Variants in ROBO1 observed in about 807,000 individuals in gnomAD.
The protein encoded by ROBO1 is roundabout homolog 1.
ROBO1 carries 149 observed loss-of-function variants against 195.9 expected under a neutral mutation model. The ratio of observed to expected loss-of-function variants is 0.76; its 90% CI spans 0.67 to 0.87. The LOEUF (loss-of-function observed/expected upper bound fraction) is 0.87, where lower values mean the gene tolerates loss of function less well. Ranked by LOEUF, ROBO1 falls within the 40% of genes least tolerant of loss-of-function variation. The pLI, the probability that ROBO1 is intolerant of heterozygous loss-of-function variation, is 0.00. For missense variants in ROBO1, 1,933 were observed against 2,068.3 expected, an observed-to-expected ratio of 0.93 and a Z score of 1.27; for synonymous variants, 816 against 733.2, an observed-to-expected ratio of 1.11 and a Z score of -1.82.
At position 78,647,631 on chromosome 3, in the gene ROBO1, G is replaced by T. The variant is rs747866831; in HGVS notation, c.2837C>A (p.Thr946Lys). 2 of 1,611,628 alleles carry T rather than the reference G, an allele frequency of 1.2e-6. No homozygotes were observed. The highest frequency in any genetic ancestry group is 8.5e-7 in the Non-Finnish European group (1 of 1,178,104). ...RKVPSFTFTP[T>K]VTYQRGGEAV... ...GGAGGGTAAGTGCAAATATATACCT[G>T]TTGGTGTGAAGGTAAAAGACGGGAC... The change falls in exon 20 of 31, where the codon ACA (threonine) becomes AAA (lysine). Residue 946 changes from threonine to lysine, a missense_variant and splice_region_variant. By Grantham distance (78) the Thr-to-Lys change is moderately conservative. This residue lies in a region of ROBO1 where 1,737 missense variants were observed against 1,882.5 expected (regional missense o/e 0.92). Coordinates refer to ENST00000464233, the MANE Select transcript of ROBO1 (RefSeq NM_002941.4).
At chr3:78,750,469 A>G (rs2082762866) in intron 4 of ROBO1, among the ~76,000 whole-genome samples, 2 of 146,722 alleles carry the variant, frequency 1.4e-5, no homozygotes, top group South Asian at 4.3e-4. Flanking sequence ...AAATAAATAA[A>G]TAAATAAATA....
chr3:78,696,189 G>A (rs372663320), intron 8 of ROBO1, among the ~76,000 whole-genome samples: 40 of 148,286 alleles, frequency 2.7e-4, no homozygotes, highest in East Asian at 9.9e-4. Context: ...TCTAACATTC[G>A]ACATTTATGG....
chr3:78,816,864 T>A (rs1477718988), intron 4 of ROBO1, among the ~76,000 whole-genome samples: 1 of 152,178 alleles, frequency 6.6e-6, no homozygotes, highest in East Asian at 1.9e-4. Flanking sequence ...AAATTATATC[T>A]GCTCCTAGTG....
At chr3:79,485,793 G>A (rs1352048299) in intron 2 of ROBO1, among the ~76,000 whole-genome samples, 1 of 151,474 alleles carries the variant, frequency 6.6e-6, no homozygotes, top group African/African-American at 2.4e-5. Context: ...TTAGTGCGTA[G>A]TCTTCTCTCT....
At chr3:79,166,030 C>T (rs2081057156) in intron 2 of ROBO1, among the ~76,000 whole-genome samples, 2 of 152,152 alleles carry the variant, frequency 1.3e-5, no homozygotes, top group Admixed American at 1.3e-4. Flanking sequence ...TTCCTGATGG[C>T]CTGTCCTACA....
chr3:78,981,921 C>T (rs1026568464), intron 3 of ROBO1, among the ~76,000 whole-genome samples: 25 of 152,010 alleles, frequency 1.6e-4, no homozygotes, highest in African/African-American at 6.0e-4. Context: ...ACCCCCACTG[C>T]AGGAATCTCA....
chr3:79,545,399 A>G (rs9820160), intron 2 of ROBO1, among the ~76,000 whole-genome samples: 29,201 of 152,098 alleles, frequency 0.19, 3,346 homozygotes, highest in African/African-American at 0.3. Context: ...TATAGTATAG[A>G]CACTAAATAG....
chr3:79,458,320 A>G (rs1046030735), intron 2 of ROBO1, among the ~76,000 whole-genome samples: 1 of 152,176 alleles, frequency 6.6e-6, no homozygotes, highest in African/African-American at 2.4e-5. Flanking sequence ...CAGGGCAGAA[A>G]TGTTTGCCAA....
intron 4 of ROBO1, among the ~76,000 whole-genome samples, chr3:78,878,747 T>C (rs568867629): frequency 6.6e-6 from 1 of 152,168 alleles, no homozygotes; most frequent in South Asian, 2.1e-4. Context: ...AACTTATCTA[T>C]CTAAAACTCT....
chr3:79,342,566 AG>A (rs1315336677), intron 2 of ROBO1, among the ~76,000 whole-genome samples: 1 of 152,214 alleles, frequency 6.6e-6, no homozygotes, highest in Non-Finnish European at 1.5e-5. Flanking sequence ...CATTTTAAAA[AG>A]TTACCTATGT....
chr3:78,999,265 A>C (rs558525521), intron 3 of ROBO1, among the ~76,000 whole-genome samples: 3 of 152,136 alleles, frequency 2.0e-5, no homozygotes, highest in Admixed American at 2.0e-4. Context: ...TTGCATGTTC[A>C]TCACACTACT....
At chr3:79,364,460 A>G (rs1440456278) in intron 2 of ROBO1, among the ~76,000 whole-genome samples, 1 of 151,522 alleles carries the variant, frequency 6.6e-6, no homozygotes, top group Non-Finnish European at 1.5e-5. Flanking sequence ...ACAGCTAATT[A>G]CCCTCCCTTC....
intron 2 of ROBO1, among the ~76,000 whole-genome samples, chr3:79,463,527 T>A (rs1241924022): frequency 6.6e-6 from 1 of 152,180 alleles, no homozygotes; most frequent in Non-Finnish European, 1.5e-5. Flanking sequence ...AAGGAAGTTG[T>A]TTTTAAAATT....
chr3:79,001,807 G>A (rs1223928539), intron 3 of ROBO1, among the ~76,000 whole-genome samples: 1 of 152,014 alleles, frequency 6.6e-6, no homozygotes, highest in Non-Finnish European at 1.5e-5. Flanking sequence ...CAACCTCACT[G>A]TGAGCTCTTT....
intron 2 of ROBO1, among the ~76,000 whole-genome samples, chr3:79,411,955 C>T (rs1018770156): frequency 2.0e-5 from 3 of 152,146 alleles, no homozygotes; most frequent in East Asian, 1.9e-4. Context: ...ACCCAGCTTT[C>T]GTTCTGTCCG....
chr3:78,656,926 C>T (rs1707066251), intron 18 of ROBO1, among the ~76,000 whole-genome samples, 172 bp downstream of exon 18: 1 of 152,158 alleles, frequency 6.6e-6, no homozygotes, highest in Admixed American at 6.5e-5. Flanking sequence ...CTCTCTCTCT[C>T]TCTTTCTCTC....
At chr3:78,973,602 T>G (rs1323293640) in intron 3 of ROBO1, among the ~76,000 whole-genome samples, 1 of 145,938 alleles carries the variant, frequency 6.9e-6, no homozygotes, top group Non-Finnish European at 1.5e-5. Context: ...TATATATAGC[T>G]TCTTAGGTTA....
At chr3:78,972,010 C>T (rs1379410626) in intron 3 of ROBO1, among the ~76,000 whole-genome samples, 6 of 152,206 alleles carry the variant, frequency 3.9e-5, no homozygotes, top group African/African-American at 1.4e-4. Context: ...TTGTGATCTG[C>T]CCACCTCGGC....
intron 3 of ROBO1, among the ~76,000 whole-genome samples, chr3:79,108,936 G>T (rs1576683120): frequency 6.6e-6 from 1 of 151,786 alleles, no homozygotes; most frequent in Non-Finnish European, 1.5e-5. Flanking sequence ...TATATATTTT[G>T]AAGCATAAAT....
Sources: allele counts gnomAD v4.1 joint callset (sites outside exome capture counted in the v4.1 genomes callset), GRCh38; gene constraint gnomAD v4.1.1; regional missense constraint gnomAD v4.1.1; transcripts MANE v1.5; gene names NCBI Gene and HGNC (gene_info 2026-07-23, HGNC 2026-07-21).